Variants in CAMTA1 observed in about 807,000 individuals in gnomAD.
CAMTA1 encodes the protein calmodulin binding transcription activator 1, also known as calmodulin-binding transcription activator 1.
CAMTA1 carries 27 observed loss-of-function variants against 170.9 expected under a neutral mutation model. The ratio of observed to expected loss-of-function variants is 0.16; its 90% CI spans 0.12 to 0.22. The LOEUF is 0.22. Ranked by LOEUF, CAMTA1 falls within the 10% of genes least tolerant of loss-of-function variation. CAMTA1 has a pLI of 1.00. For synonymous variants in CAMTA1, 833 were observed against 891.5 expected (o/e 0.93, Z 1.17); for missense variants, 1,619 against 2,217.2 (o/e 0.73, Z 5.42).
At chr1:7,498,785 G>A (rs1406751800) in intron 6 of CAMTA1, among the ~76,000 whole-genome samples, 2 of 147,970 alleles carry the variant, frequency 1.4e-5, no homozygotes, top group Non-Finnish European at 3.0e-5. Context: ...GCATGTGTAT[G>A]TATGTGTGTG....
At chr1:7,383,884 C>T (rs1215477683) in intron 5 of CAMTA1, among the ~76,000 whole-genome samples, 4 of 152,174 alleles carry the variant, frequency 2.6e-5, no homozygotes, top group African/African-American at 9.7e-5. Flanking sequence ...GTGCCAATGA[C>T]ACCCTCGGTG....
In CAMTA1 at chr1:7,680,868, CAGCAGCAG is replaced by C. The variant is rs2096193228; in HGVS notation, c.2914+3136_2914+3143del. ...CGCGCGCGCGCGCGCGCGCCAGCAG[CAGCAGCAG>C]CAGCAGCTGCTGCGGCGAAGTCTTT... On this transcript the variant is annotated intron_variant, in intron 11 of 22. Coordinates refer to ENST00000303635, the MANE Select transcript of CAMTA1 (RefSeq NM_015215.4). This position sits in a 1 kb window ranked among gnomAD's most constrained non-coding sequence, Gnocchi z 4.4. Among the ~76,000 whole-genome samples, 6 of 139,596 alleles carry C rather than the reference CAGCAGCAG, an allele frequency of 4.3e-5. No individual in the cohort carries two copies. Among genetic ancestry groups the C allele is most frequent in the South Asian group, 2.4e-4 (1 of 4,116 alleles). The allele number at this position is 139,596 out of a possible 152,430, so 91.6% of individuals were successfully genotyped here. A position where few individuals can be genotyped will look rare whatever the true frequency, so the allele number is the denominator to read the frequency against.
chr1:7,153,660 T>A (rs1646704317), intron 4 of CAMTA1, among the ~76,000 whole-genome samples: 1 of 152,142 alleles, frequency 6.6e-6, no homozygotes, highest in East Asian at 1.9e-4. Flanking sequence ...ACCTGCTCTT[T>A]CTCACAGCAG....
chr1:6,795,624 T>G lies in CAMTA1; in HGVS notation c.45+10049T>G, dbSNP rs553371120. Among the ~76,000 whole-genome samples the G allele has an allele frequency of 7.9e-5, 12 of 152,322 alleles. No individual in the cohort carries two copies. In the South Asian group the frequency reaches 2.5e-3, roughly 32 times the overall value. On this transcript the variant is annotated intron_variant, in intron 1 of 22. Transcript: ENST00000303635. Reference sequence around the variant, plus strand: ...AAAGGTTGTTAATTGAGCTTTTCTCTTTTTTTCTCCATTCCCTCATTCTGA... The same window carrying G: ...AAAGGTTGTTAATTGAGCTTTTCTCGTTTTTTCTCCATTCCCTCATTCTGA...
At chr1:7,035,641 G>A (rs1327010151) in intron 3 of CAMTA1, among the ~76,000 whole-genome samples, 1 of 152,150 alleles carries the variant, frequency 6.6e-6, no homozygotes, top group Non-Finnish European at 1.5e-5. Flanking sequence ...TCAATTCTTG[G>A]TGTTTTACAA....
chr1:6,859,938 G>A (rs1445024775), intron 3 of CAMTA1, among the ~76,000 whole-genome samples: 1 of 152,176 alleles, frequency 6.6e-6, no homozygotes, highest in Non-Finnish European at 1.5e-5. Flanking sequence ...AGAAGACTCA[G>A]ATCTCCTTTT....
intron 6 of CAMTA1, among the ~76,000 whole-genome samples, chr1:7,504,814 A>C (rs2094073390): frequency 1.3e-5 from 2 of 152,248 alleles, no homozygotes; most frequent in Admixed American, 1.3e-4. Context: ...TGGACATCTC[A>C]CAAGTGCCTC....
In CAMTA1 at chr1:7,359,513, T is replaced by C. The variant is rs959334663; in HGVS notation, c.439-108317T>C. Among the ~76,000 whole-genome samples, 3 of 152,254 alleles carry C rather than the reference T, an allele frequency of 2.0e-5. 1 individual carries two copies. In the South Asian group the frequency reaches 6.2e-4, roughly 32 times the overall value. On this transcript the variant is annotated intron_variant, in intron 5 of 22. Transcript: ENST00000303635. ...CCTCCTAGCACCACAATCCTCCTCA[T>C]CCCTCACCCCATTCGACGGCACCTT...
chr1:7,549,220 G>C (rs913049691), intron 6 of CAMTA1, among the ~76,000 whole-genome samples: 2 of 151,206 alleles, frequency 1.3e-5, no homozygotes, highest in South Asian at 4.2e-4. Context: ...CCTTAGGGGT[G>C]GAGGCACCCA....
At chr1:7,289,154 G>A (rs1672759413) in intron 5 of CAMTA1, among the ~76,000 whole-genome samples, 1 of 152,090 alleles carries the variant, frequency 6.6e-6, no homozygotes, top group Admixed American at 6.5e-5. Flanking sequence ...ACAGCACCGA[G>A]GAGGAAATCC....
chr1:6,890,570 T>C (rs1330557117), intron 3 of CAMTA1, among the ~76,000 whole-genome samples: 1 of 144,876 alleles, frequency 6.9e-6, no homozygotes, highest in Non-Finnish European at 1.5e-5. Flanking sequence ...ACAGTTTTCT[T>C]TTTTTTTTTT....
intron 6 of CAMTA1, among the ~76,000 whole-genome samples, chr1:7,610,381 A>G (rs1231120510): frequency 6.6e-6 from 1 of 152,206 alleles, no homozygotes; most frequent in Non-Finnish European, 1.5e-5. Flanking sequence ...CTGAACTTGC[A>G]CTTAATAAAC....
At chr1:7,193,366 A>AC (rs1215547494) in intron 4 of CAMTA1, among the ~76,000 whole-genome samples, 9 of 151,424 alleles carry the variant, frequency 5.9e-5, no homozygotes, top group South Asian at 2.1e-4. Context: ...AAAAAAAAAA[A>AC]GTCATTTGCT....
chr1:7,221,906 T>TACACACACACACACACACACACAC lies in CAMTA1; in HGVS notation c.303-27564_303-27563insCACACACACACACACACACACACA, dbSNP rs34399218. Among the ~76,000 whole-genome samples the TACACACACACACACACACACACAC allele has an allele frequency of 1.7e-3, 254 of 147,640 alleles. 4 individuals carry two copies. The highest frequency in any genetic ancestry group is 6.1e-3 in the African/African-American group (239 of 39,222). On this transcript the variant is annotated intron_variant, in intron 4 of 22. Transcript: ENST00000303635. ...GAGGGCATGTGCACAAGCTGGTGCA[T>TACACACACACACACACACACACAC]ACACACACACACACACACACATACA...
chr1:7,651,523 C>T (rs111590854), intron 7 of CAMTA1, among the ~76,000 whole-genome samples: 1 of 152,366 alleles, frequency 6.6e-6, no homozygotes, highest in African/African-American at 2.4e-5. Context: ...CTGAGGCAGA[C>T]TTCTGGAGTT....
intron 3 of CAMTA1, among the ~76,000 whole-genome samples, chr1:6,903,554 C>T (rs867129394): frequency 1.7e-4 from 26 of 152,184 alleles, no homozygotes; most frequent in African/African-American, 5.8e-4. Context: ...CAGTATTTTA[C>T]TGAAGCACGA....
intron 4 of CAMTA1, among the ~76,000 whole-genome samples, chr1:7,145,363 A>C (rs1390617644): frequency 6.6e-6 from 1 of 152,226 alleles, no homozygotes; most frequent in Non-Finnish European, 1.5e-5. Context: ...TAAAGACTTC[A>C]AAAAAGGGTT....
Position 7,293,685 on chromosome 1 carries a change from G to C in CAMTA1, c.438+44059G>C, listed in dbSNP as rs768222749. Among the ~76,000 whole-genome samples the C allele has an allele frequency of 2.0e-5, 3 of 152,174 alleles. No homozygotes were observed. The highest frequency in any genetic ancestry group is 4.4e-5 in the Non-Finnish European group (3 of 68,032). On this transcript the variant is annotated intron_variant, in intron 5 of 22. Transcript: ENST00000303635. This position sits in a 1 kb window ranked among gnomAD's most constrained non-coding sequence, Gnocchi z 4.1. ...TTGCATCCCACTTAGGACTCTCAGT[G>C]GGGGAGTCTAAACATGAATTATCCC...
intron 5 of CAMTA1, among the ~76,000 whole-genome samples, chr1:7,359,369 CAA>C (rs1182352700): frequency 1.3e-5 from 2 of 152,148 alleles, no homozygotes; most frequent in Non-Finnish European, 2.9e-5. Context: ...CTGGCCTCAC[CAA>C]ACTGTGCTCT....
Sources: gnomAD v4.1 joint callset for allele counts (sites outside exome capture counted in the v4.1 genomes callset) on GRCh38, gnomAD v4.1.1 for gene constraint, Gnocchi (gnomAD v3.1) non-coding constraint, MANE v1.5 for transcripts, NCBI Gene and HGNC (gene_info 2026-07-23, HGNC 2026-07-21) for gene names.